SEC31A: variants seen among roughly 807,000 people sequenced by gnomAD.
The protein encoded by SEC31A is protein transport protein Sec31A.
A neutral mutation model predicts 151.0 loss-of-function variants in SEC31A; 70 were observed. That is an observed-to-expected ratio of 0.46 (90% CI 0.38 to 0.57). The LOEUF (loss-of-function observed/expected upper bound fraction) is 0.57, where lower values mean the gene tolerates loss of function less well. Ranked by LOEUF, SEC31A falls within the 20% of genes least tolerant of loss-of-function variation. SEC31A has a pLI of 0.00. For missense variants in SEC31A, 1,330 were observed against 1,471.2 expected, an observed-to-expected ratio of 0.90 and a Z score of 1.57; for synonymous variants, 475 against 505.9, an observed-to-expected ratio of 0.94 and a Z score of 0.82.
chr4:82,898,264 T>C (rs1720148419), intron 3 of SEC31A, among the ~76,000 whole-genome samples: 1 of 152,170 alleles, frequency 6.6e-6, no homozygotes, highest in Admixed American at 6.5e-5. Flanking sequence ...ATGATCAGAT[T>C]GAGAACTTCC....
chr4:82,842,625 T>C (rs1729164258), intron 21 of SEC31A, 144 bp from the exon 22 acceptor site: 1 of 667,568 alleles, frequency 1.5e-6, no homozygotes. Flanking sequence ...TACACCATTA[T>C]ATTTTTGAGG....
rs1734439361 is a variant in SEC31A, at chr4:82,862,591, CT to C, written c.1510-20del. 6.2e-7 allele frequency: 1 copy of C among 1,608,968 alleles called. No individual in the cohort carries two copies. The highest frequency in any genetic ancestry group is 8.5e-7 in the Non-Finnish European group (1 of 1,175,670). On this transcript the variant is annotated intron_variant, in intron 12 of 26. Transcript: ENST00000395310. The stretch of plus-strand genomic sequence containing the variant: ...AAGCAATCTGAAATAAAAATAACAG[CT>C]CACCTACTACATGGAATTCTATTTC...
chr4:82,881,987 T>G, intron 1 of SEC31A, 47 bp from the exon 2 acceptor site: 2 of 1,384,786 alleles, frequency 1.4e-6, no homozygotes, highest in Non-Finnish European at 2.1e-6. Flanking sequence ...GACTTGAATG[T>G]CTAACACAGA....
At chr4:82,845,277 G>A (rs1159800144) in intron 20 of SEC31A, 4 of 1,528,480 alleles carry the variant, frequency 2.6e-6, no homozygotes, top group Non-Finnish European at 1.8e-6. Flanking sequence ...GGTAGTGACA[G>A]TAGGGGCAAT....
In SEC31A at chr4:82,823,287, G is replaced by C. The variant is rs560913516; in HGVS notation, c.3411+1268C>G. 1.2e-4 allele frequency among the ~76,000 whole-genome samples: 19 copies of C among 152,322 alleles called. No homozygotes were observed. In the South Asian group the frequency reaches 3.7e-3, roughly 30 times the overall value. On this transcript the variant is annotated intron_variant, in intron 25 of 26. Coordinates refer to ENST00000395310, the MANE Select transcript of SEC31A (RefSeq NM_001077207.4). ...ATTGGTGTGTTGTCATTCTTATTCA[G>C]ATGCTTCCATTTTTGAATGACTACA...
At chr4:82,830,954 T>C in intron 22 of SEC31A, 1 of 1,222,390 alleles carries the variant, frequency 8.2e-7, no homozygotes, top group South Asian at 1.4e-5. Flanking sequence ...CATAGGTGCC[T>C]GGTCTTGGAT....
At chr4:82,886,319 A>G (rs952756654) in intron 1 of SEC31A, among the ~76,000 whole-genome samples, 7 of 152,212 alleles carry the variant, frequency 4.6e-5, no homozygotes, top group Non-Finnish European at 1.0e-4. Flanking sequence ...GTTACTTATT[A>G]GCTATGATAC....
At chr4:82,861,575 T>G in intron 14 of SEC31A, 56 bp downstream of exon 14, 6 of 1,151,214 alleles carry the variant, frequency 5.2e-6, no homozygotes, top group Non-Finnish European at 7.6e-6. Context: ...TATTTTAATG[T>G]GAGATACACA....
chr4:82,859,754 G>A (rs545955006), intron 14 of SEC31A, among the ~76,000 whole-genome samples: 1 of 151,534 alleles, frequency 6.6e-6, no homozygotes, highest in Non-Finnish European at 1.5e-5. Context: ...CAGAGACACT[G>A]ATCTAATTAC....
chr4:82,823,666 T>C (rs1172058560), intron 25 of SEC31A, among the ~76,000 whole-genome samples: 3 of 152,246 alleles, frequency 2.0e-5, no homozygotes, highest in African/African-American at 7.2e-5. Context: ...TACAGGGGTA[T>C]CTTAAGTAAA....
intron 18 of SEC31A, 37 bp from the exon 19 acceptor site, chr4:82,851,641 A>C: frequency 6.4e-7 from 1 of 1,552,814 alleles, no homozygotes; most frequent in Non-Finnish European, 8.8e-7. Context: ...AGAAATATCA[A>C]GACCATGTAT....
At chr4:82,888,227 C>T (rs4693526) in intron 1 of SEC31A, among the ~76,000 whole-genome samples, 107,241 of 149,616 alleles carry the variant, frequency 0.72, 39,308 homozygotes, top group Admixed American at 0.79. Context: ...AATACAAAAA[C>T]TAGCCGGGCG....
chr4:82,850,642 G>C (rs1447457737), intron 19 of SEC31A, among the ~76,000 whole-genome samples: 2 of 152,170 alleles, frequency 1.3e-5, no homozygotes, highest in Admixed American at 1.3e-4. Flanking sequence ...CAGATATATT[G>C]TTGTGGAAAA....
chr4:82,820,802 T>C (rs1225714679), intron 26 of SEC31A, among the ~76,000 whole-genome samples: 1 of 152,126 alleles, frequency 6.6e-6, no homozygotes, highest in African/African-American at 2.4e-5. Context: ...TATACTCTTG[T>C]TATGAGAGGG....
intron 4 of SEC31A, among the ~76,000 whole-genome samples, chr4:82,878,500 C>A (rs550239313): frequency 5.9e-4 from 89 of 151,690 alleles, no homozygotes; most frequent in Admixed American, 1.4e-3. Context: ...CTCAAAAAAA[C>A]AAAAACAAAA....
chr4:82,881,726 G>T (rs892114262), intron 2 of SEC31A, 132 bp downstream of exon 2: 4 of 676,582 alleles, frequency 5.9e-6, no homozygotes, highest in Non-Finnish European at 8.0e-6. Context: ...CACTAAACTT[G>T]GCTGATAGAA....
At chr4:82,897,600 G>A (rs970871464) in intron 3 of SEC31A, among the ~76,000 whole-genome samples, 2 of 152,156 alleles carry the variant, frequency 1.3e-5, no homozygotes, top group Non-Finnish European at 2.9e-5. Flanking sequence ...TTAGCCAGGT[G>A]TAGTGGTACA....
intron 18 of SEC31A, among the ~76,000 whole-genome samples, chr4:82,852,506 C>G (rs779766093): frequency 2.0e-5 from 3 of 152,116 alleles, no homozygotes; most frequent in Non-Finnish European, 4.4e-5. Context: ...TCTGCCTTTC[C>G]TAAGTGCATA....
At position 82,827,461 on chromosome 4, in the gene SEC31A, G is replaced by A. The variant is rs2148998768; in HGVS notation, c.3199C>T (p.Gln1067Ter). Residue 1067 changes from glutamine (Q) to a stop codon, truncating the protein, a stop_gained, in exon 24 of 27, where the codon CAG (glutamine) becomes TAG (stop). Coordinates refer to ENST00000395310, the MANE Select transcript of SEC31A (RefSeq NM_001077207.4). LOFTEE classifies it high-confidence loss of function. ...LPGGQPFHGVQQPLGQTGMPP... is the reference protein window; with the variant it reads ...LPGGQPFHGV ...ATGCCTGTTTGACCAAGAGGTTGCT[G>A]TACGCCATGGAAGGGCTGGCCACCT... 1.2e-6 allele frequency: 2 copies of A among 1,614,226 alleles called. No individual in the cohort carries two copies. Among genetic ancestry groups the A allele is most frequent in the African/African-American group, 1.3e-5 (1 of 75,062 alleles).
Sources: gnomAD v4.1 joint callset for allele counts (sites outside exome capture counted in the v4.1 genomes callset) on GRCh38, gnomAD v4.1.1 for gene constraint, MANE v1.5 for transcripts, NCBI Gene and HGNC (gene_info 2026-07-23, HGNC 2026-07-21) for gene names.